Variants in IGSF9B observed in about 807,000 individuals in gnomAD.
The protein encoded by IGSF9B is protein turtle homolog B.
A neutral mutation model predicts 143.7 loss-of-function variants in IGSF9B; 48 were observed. The ratio of observed to expected loss-of-function variants is 0.33; its 90% confidence interval spans 0.26 to 0.42. The LOEUF is 0.42. Among genes scored for constraint, IGSF9B ranks in the 20% least tolerant of loss-of-function variants. The probability of loss-of-function intolerance (pLI) is 1.00; values close to 1 mark genes in which losing one functional copy is unlikely to be tolerated. For missense variants in IGSF9B, 1,706 were observed against 1,980.0 expected (o/e 0.86, Z 2.63); for synonymous variants, 903 against 833.1 (o/e 1.08, Z -1.44).
chr11:133,940,502 C>T lies in IGSF9B; in HGVS notation c.410-2541G>A, dbSNP rs535646038. ...CGCATACAGAAACATACACCTTGCA[C>T]ATCCTCGCACGCGTCATCACATGCA... On this transcript the variant is annotated intron_variant, in intron 3 of 19. Coordinates refer to ENST00000533871, the MANE Select transcript of IGSF9B (RefSeq NM_001277285.4). Among the ~76,000 whole-genome samples, 7 of 143,012 alleles carry T rather than the reference C, an allele frequency of 4.9e-5. No homozygotes were observed. The East Asian group carries it at 1.1e-3, about 22-fold the overall frequency. 93.8% of individuals were successfully genotyped at this position (143,012 alleles called of 152,430 possible).
At position 133,898,877 on chromosome 11, in the gene IGSF9B, G is replaced by A. The variant is rs1000368236; in HGVS notation, c.*10192C>T. The A allele has an allele frequency of 6.6e-6, 1 of 152,210 alleles. No individual in the cohort carries two copies. The highest frequency in any genetic ancestry group is 6.5e-5 in the Admixed American group (1 of 15,286). The allele number at this position is 152,210 out of a possible 1,614,324, so 9.4% of individuals were successfully genotyped here. ...CCTCTTCCCCCACCTCCTACTTTCAGACCGCCCAAAGTGGATCACCATGAA... is the reference window on the plus strand; with the variant it reads ...CCTCTTCCCCCACCTCCTACTTTCAAACCGCCCAAAGTGGATCACCATGAA... On this transcript the variant is annotated 3_prime_UTR_variant, in exon 20 of 20. Transcript: ENST00000533871.
Position 133,956,744 on chromosome 11 carries a change from T to C in IGSF9B, c.11A>G (p.Tyr4Cys). 6.5e-7 allele frequency: 1 copy of C among 1,529,448 alleles called. No homozygotes were observed. Among genetic ancestry groups the C allele is most frequent in the Non-Finnish European group, 8.8e-7 (1 of 1,137,966 alleles). 94.7% of individuals were successfully genotyped at this position (1,529,448 alleles called of 1,614,324 possible). A position where few individuals can be genotyped will look rare whatever the true frequency, so the allele number is the denominator to read the frequency against. Residue 4 changes from tyrosine (Y) to cysteine (C), a missense_variant, in exon 1 of 20, where the codon TAT becomes TGT. Tyr to Cys is a radical substitution (Grantham distance 194, BLOSUM62 -2). This residue lies in a region of IGSF9B where 171 missense variants were observed against 213.9 expected (regional missense o/e 0.80). Coordinates refer to ENST00000533871, the MANE Select transcript of IGSF9B (RefSeq NM_001277285.4). ...CACACTTGCTATGAAAGTGGCCACA[T>C]ACCAAATCATAGTACTACCGCGCCA... MIW[Y>C]VATFIASVIG...
At position 133,912,752 on chromosome 11, in the gene IGSF9B, G is replaced by A. The variant is rs1030986200; in HGVS notation, c.3984-745C>T. Among the ~76,000 whole-genome samples, 16 of 152,316 alleles carry A rather than the reference G, an allele frequency of 1.1e-4. No individual in the cohort carries two copies. In the East Asian group the frequency reaches 1.2e-3, roughly 11 times the overall value. On this transcript the variant is annotated intron_variant, in intron 18 of 19. Coordinates refer to ENST00000533871, the MANE Select transcript of IGSF9B (RefSeq NM_001277285.4). ...AGCCCTTGCTGTCTGTAACAAGAAC[G>A]TGGTGAACCTCTGTATTTTAGGATT...
Position 133,913,264 on chromosome 11 carries a change from T to C in IGSF9B, c.3984-1257A>G, listed in dbSNP as rs1347593699. Among the ~76,000 whole-genome samples, 1 of 151,420 alleles carries C rather than the reference T, an allele frequency of 6.6e-6. No individual in the cohort carries two copies. Among genetic ancestry groups the C allele is most frequent in the African/African-American group, 2.4e-5 (1 of 41,160 alleles). On this transcript the variant is annotated intron_variant, in intron 18 of 19. Transcript: ENST00000533871. The surrounding 1 kb of genome is among the most constrained non-coding windows in gnomAD (Gnocchi z 4.6). The stretch of plus-strand genomic sequence containing the variant: ...TTTGGAAAGTCCTGATTAAAAGAGG[T>C]AGGACAGACAATGCTGTGAGGGCAA...
rs1017973014 is a variant in IGSF9B at position 133,906,912 on chromosome 11, C to T, written c.*2157G>A. 3.9e-5 allele frequency among the ~76,000 whole-genome samples: 6 copies of T among 152,142 alleles called. No individual in the cohort carries two copies. Among genetic ancestry groups the T allele is most frequent in the East Asian group, 1.9e-4 (1 of 5,170 alleles). On this transcript the variant is annotated 3_prime_UTR_variant, in exon 20 of 20. Transcript: ENST00000533871. ...CCAACACCTCAGGTAAGCCGGCTCCCGTCATCCCCCAGGAGAGACGCCCAA... is the reference window on the plus strand; with the variant it reads ...CCAACACCTCAGGTAAGCCGGCTCCTGTCATCCCCCAGGAGAGACGCCCAA...
At chr11:133,922,149 C>T in intron 17 of IGSF9B, 28 bp downstream of exon 17, 1 of 1,606,700 alleles carries the variant, frequency 6.2e-7, no homozygotes, top group Non-Finnish European at 8.5e-7. Flanking sequence ...ATGAACAGCA[C>T]AATTCTCCCA....
intron 7 of IGSF9B, among the ~76,000 whole-genome samples, chr11:133,935,361 A>C (rs994051230): frequency 6.6e-6 from 1 of 152,246 alleles, no homozygotes; most frequent in Non-Finnish European, 1.5e-5. Flanking sequence ...TGTCTTCCTG[A>C]GTGCAGCCTG....
intron 1 of IGSF9B, among the ~76,000 whole-genome samples, chr11:133,947,085 A>T (rs1016780982): frequency 3.3e-5 from 5 of 152,038 alleles, no homozygotes; most frequent in Non-Finnish European, 5.9e-5. Flanking sequence ...GGGATAGGGA[A>T]CACCCACCCT....
Position 133,908,769 on chromosome 11 carries a change from T to G in IGSF9B, c.*300A>C. On this transcript the variant is annotated 3_prime_UTR_variant, in exon 20 of 20. Coordinates refer to ENST00000533871, the MANE Select transcript of IGSF9B (RefSeq NM_001277285.4). ...GCTTTCCTCTTCACTTCCAAAGACA[T>G]TGGAAGAGATGAGAAAAATCAACCT... is the stretch of plus-strand genomic sequence containing the variant. 1 of 339,108 alleles carries G rather than the reference T, an allele frequency of 2.9e-6. No homozygotes were observed. Among genetic ancestry groups the G allele is most frequent in the Non-Finnish European group, 5.5e-6 (1 of 183,208 alleles). The allele number at this position is 339,108 out of a possible 1,614,324, so 21.0% of individuals were successfully genotyped here.
In IGSF9B at chr11:133,948,959, G is replaced by A. The variant is rs937556853; in HGVS notation, c.65-2701C>T. ...CGCTGTGAGGCTGCTCATTTGCACC[G>A]AGCCAGCCTCATTTTCACTGCACAG... On this transcript the variant is annotated intron_variant, in intron 1 of 19. Transcript: ENST00000533871. The surrounding 1 kb of genome is among the most constrained non-coding windows in gnomAD (Gnocchi z 4.7). Among the ~76,000 whole-genome samples the A allele has an allele frequency of 1.3e-5, 2 of 152,116 alleles. No homozygotes were observed. Among genetic ancestry groups the A allele is most frequent in the African/African-American group, 2.4e-5 (1 of 41,430 alleles).
intron 11 of IGSF9B, 43 bp downstream of exon 11, chr11:133,930,941 T>C (rs756918731): frequency 7.4e-5 from 115 of 1,554,290 alleles, no homozygotes; most frequent in Non-Finnish European, 9.4e-5. Context: ...CCAGCCAGCC[T>C]GCTCTGTCCC....
chr11:133,897,057 G>T lies in IGSF9B; in HGVS notation c.*12012C>A, dbSNP rs1939030756. The stretch of plus-strand genomic sequence containing the variant: ...GAGACAGTTCCTCCTACTCTTGGAA[G>T]TCTGTGATTTGGTGGCTGGGGGTGC... On this transcript the variant is annotated 3_prime_UTR_variant, in exon 20 of 20. Transcript: ENST00000533871. The T allele has an allele frequency of 6.6e-6, 1 of 152,226 alleles. No individual in the cohort carries two copies. The highest frequency in any genetic ancestry group is 1.5e-5 in the Non-Finnish European group (1 of 68,060). 9.4% of individuals were successfully genotyped at this position (152,226 alleles called of 1,614,324 possible). A position where few individuals can be genotyped will look rare whatever the true frequency, so the allele number is the denominator to read the frequency against.
At chr11:133,924,661 G>A (rs912968364) in intron 15 of IGSF9B, 159 bp downstream of exon 15, 1 of 619,542 alleles carries the variant, frequency 1.6e-6, no homozygotes, top group Non-Finnish European at 2.9e-6. Flanking sequence ...TGGGTCTGGT[G>A]GGCTTAAGAA....
In IGSF9B at chr11:133,950,277, C is replaced by T. The variant is rs1288960848; in HGVS notation, c.65-4019G>A. The stretch of plus-strand genomic sequence containing the variant: ...TGAATACGGAGGAAGGTGTGCAGGG[C>T]AAGGTGTGAGGAGCAGGGCCGGGCG... On this transcript the variant is annotated intron_variant, in intron 1 of 19. Coordinates refer to ENST00000533871, the MANE Select transcript of IGSF9B (RefSeq NM_001277285.4). Among the ~76,000 whole-genome samples the T allele has an allele frequency of 2.0e-5, 3 of 152,216 alleles. No individual in the cohort carries two copies. The East Asian group carries it at 5.8e-4, about 29-fold the overall frequency.
chr11:133,935,038 G>A (rs1939797209), intron 7 of IGSF9B, among the ~76,000 whole-genome samples: 1 of 152,248 alleles, frequency 6.6e-6, no homozygotes, highest in South Asian at 2.1e-4. Context: ...AAGCTGAATG[G>A]TGGTGCTTGC....
At position 133,908,703 on chromosome 11, in the gene IGSF9B, T is replaced by G. The variant is rs758011144; in HGVS notation, c.*366A>C. 2 of 216,292 alleles carry G rather than the reference T, an allele frequency of 9.2e-6. No individual in the cohort carries two copies. Among genetic ancestry groups the G allele is most frequent in the South Asian group, 9.5e-5 (1 of 10,580 alleles). The allele number at this position is 216,292 out of a possible 1,614,324, so 13.4% of individuals were successfully genotyped here. On this transcript the variant is annotated 3_prime_UTR_variant, in exon 20 of 20. Coordinates refer to ENST00000533871, the MANE Select transcript of IGSF9B (RefSeq NM_001277285.4). ...ATTAAGTCCAGCCTTCTTCCAGGAC[T>G]TGAAAAACTGAAACAGAAGCAGAGA...
chr11:133,904,018 G>C lies in IGSF9B; in HGVS notation c.*5051C>G, dbSNP rs1939177751. On this transcript the variant is annotated 3_prime_UTR_variant, in exon 20 of 20. Transcript: ENST00000533871. The stretch of plus-strand genomic sequence containing the variant: ...GCTGGTCAAGCCAAGAGTTTCAGGT[G>C]AAACTCTTTTGCCCTCCCACCTCCA... 6.6e-6 allele frequency among the ~76,000 whole-genome samples: 1 copy of C among 152,204 alleles called. No homozygotes were observed. Among genetic ancestry groups the C allele is most frequent in the South Asian group, 2.1e-4 (1 of 4,838 alleles).
chr11:133,923,191 GCTGCCTGCTCCCAGTCTGGGATTTC>G (rs1347149157), intron 15 of IGSF9B, among the ~76,000 whole-genome samples: 3 of 152,228 alleles, frequency 2.0e-5, no homozygotes, highest in Admixed American at 2.0e-4. Context: ...CCAGAACGCA[GCTGCCTGCTCCCAGTCTGGGATTTC>G]CTGCCTCACA....
chr11:133,924,279 G>A (rs181234554), intron 15 of IGSF9B, among the ~76,000 whole-genome samples: 597 of 152,230 alleles, frequency 3.9e-3, no homozygotes, highest in Non-Finnish European at 6.6e-3. Flanking sequence ...GTGTAGAAAT[G>A]GGACCAGGGC....
Sources: allele counts gnomAD v4.1 joint callset (sites outside exome capture counted in the v4.1 genomes callset), GRCh38; gene constraint gnomAD v4.1.1; regional missense constraint gnomAD v4.1.1; non-coding constraint Gnocchi (gnomAD v3.1); transcripts MANE v1.5; gene names NCBI Gene and HGNC (gene_info 2026-07-23, HGNC 2026-07-21).